ACTR8: variants seen among roughly 807,000 people sequenced by gnomAD.
The protein encoded by ACTR8 is actin related protein 8, also known as actin-related protein 8.
Under a neutral mutation model 84.3 loss-of-function variants are expected in ACTR8, and 70 were observed. The ratio of observed to expected loss-of-function variants is 0.83; its 90% CI spans 0.68 to 1.01. The LOEUF is 1.01. Ranked by LOEUF, ACTR8 falls within the 50% of genes least tolerant of loss-of-function variation. The pLI is 0.00. For missense variants in ACTR8, 672 were observed against 775.4 expected (o/e 0.87, Z 1.58); for synonymous variants, 268 against 275.2 (o/e 0.97, Z 0.26).
chr3:53,864,725 A>G, downstream of ACTR8: 1 of 1,555,806 alleles, frequency 6.4e-7, no homozygotes, highest in Non-Finnish European at 8.7e-7. Context: ...ACAGATAACA[A>G]ATGCTTTTCT....
chr3:53,861,934 T>A, the ACTR8 span, among the ~76,000 whole-genome samples: 3,388 of 152,302 alleles, frequency 0.022, 111 homozygotes, highest in East Asian at 0.14. Flanking sequence ...CTGGACTGCT[T>A]TGTACAAATG....
chr3:53,879,970 T>C lies in ACTR8; in HGVS notation c.263A>G (p.Lys88Arg), dbSNP rs1461193820. The change falls in exon 2 of 13, where the codon AAG (lysine) becomes AGG (arginine). Residue 88 changes from lysine (K) to arginine (R), a missense_variant. Lys to Arg is a conservative substitution (Grantham distance 26). Transcript: ENST00000335754. ...RHKQQGQPLY[K>R]DSWLLREGLN... The stretch of plus-strand genomic sequence containing the variant: ...TCCCTCCCTTAGGAGCCAACTGTCC[T>C]TGTATAGGGGCTGCCCTTGTTGTTT... The C allele has an allele frequency of 1.2e-6, 2 of 1,613,860 alleles. No individual in the cohort carries two copies. The highest frequency in any genetic ancestry group is 1.7e-6 in the Non-Finnish European group (2 of 1,179,794).
downstream of ACTR8, among the ~76,000 whole-genome samples, chr3:53,862,692 C>T (rs1349835086): frequency 6.6e-6 from 1 of 152,178 alleles, no homozygotes; most frequent in Non-Finnish European, 1.5e-5. Context: ...GAAGCAGCAG[C>T]ATCAGAAAAC....
At chr3:53,874,119 C>G (rs1409054264) in intron 8 of ACTR8, 92 bp downstream of exon 8, 1 of 1,402,204 alleles carries the variant, frequency 7.1e-7, no homozygotes, top group Admixed American at 2.3e-5. Flanking sequence ...CCACCGTGCC[C>G]AGCCAATGCT....
Position 53,871,257 on chromosome 3 carries a change from G to A in ACTR8, c.1542C>T (p.Ala514=). The A allele has an allele frequency of 2.5e-6, 4 of 1,614,168 alleles. No homozygotes were observed. Among genetic ancestry groups the A allele is most frequent in the Admixed American group, 1.7e-5 (1 of 60,036 alleles). The part of the protein sequence containing the change: ...FEGKALGLDK[A]ILHSIDCCSS... The stretch of plus-strand genomic sequence containing the variant: ...AACAGCAGTCTATGCTATGGAGGAT[G>A]GCTTTATCCAGGCCCAGGGCTTTTC... Residue 514 remains alanine, a synonymous_variant, in exon 11 of 13, where the codon GCC becomes GCT. Coordinates refer to ENST00000335754, the MANE Select transcript of ACTR8 (RefSeq NM_022899.5).
chr3:53,877,169 C>G, intron 5 of ACTR8, 45 bp downstream of exon 5: 1 of 1,524,368 alleles, frequency 6.6e-7, no homozygotes, highest in Non-Finnish European at 8.8e-7. Context: ...TTTCATTGAC[C>G]AAGAATCTTA....
chr3:53,877,739 T>C lies in ACTR8; in HGVS notation c.418A>G (p.Asn140Asp), dbSNP rs1461655284. ...PVSPEQARSY[N>D]KQMRPAILDH... ...AAAATTGCAGGTCGCATCTGCTTAT[T>C]GTAGGAGCGTGCCTGAAAAGAAAAA... Residue 140 changes from asparagine (N) to aspartate (D), a missense_variant, in exon 4 of 13, where the codon AAT becomes GAT. By Grantham distance (23) the Asn-to-Asp change is conservative. Transcript: ENST00000335754. 6 of 1,614,080 alleles carry C rather than the reference T, an allele frequency of 3.7e-6. No homozygotes were observed. Among genetic ancestry groups the C allele is most frequent in the Non-Finnish European group, 5.1e-6 (6 of 1,179,938 alleles).
In ACTR8 at chr3:53,875,882, T is replaced by C. The variant is rs1473194744; in HGVS notation, c.911+66A>G. 8 of 1,572,770 alleles carry C rather than the reference T, an allele frequency of 5.1e-6. No individual in the cohort carries two copies. In the African/African-American group the frequency reaches 1.1e-4, roughly 21 times the overall value. On this transcript the variant is annotated intron_variant, in intron 7 of 12. Coordinates refer to ENST00000335754, the MANE Select transcript of ACTR8 (RefSeq NM_022899.5). ...ATAATTTTTAACCTGTGATTTCTTA[T>C]TATTTACGGTTGAACAGATTATGAG...
At chr3:53,866,536 C>T (rs1275164348), downstream of ACTR8, among the ~76,000 whole-genome samples, 1 of 151,648 alleles carries the variant, frequency 6.6e-6, no homozygotes, top group Non-Finnish European at 1.5e-5. Context: ...GGCTGGAGTG[C>T]AGTGGCGTGA....
chr3:53,876,311 G>A (rs1336902321), intron 6 of ACTR8, among the ~76,000 whole-genome samples: 2 of 152,112 alleles, frequency 1.3e-5, no homozygotes, highest in African/African-American at 2.4e-5. Flanking sequence ...GAGGTCAGGA[G>A]ATGGAGACGA....
Position 53,877,407 on chromosome 3 carries a change from A to C in ACTR8, c.511-20T>G, listed in dbSNP as rs1392799948. ...CAAGGCCTAGAAAAGGAGGAGGGAG[A>C]TGAGTACTTTGTTAAAACTTTTCTC... On this transcript the variant is annotated intron_variant, in intron 4 of 12. Transcript: ENST00000335754. 1.3e-6 allele frequency: 2 copies of C among 1,571,992 alleles called. No homozygotes were observed. Among genetic ancestry groups the C allele is most frequent in the East Asian group, 2.3e-5 (1 of 44,414 alleles).
At chr3:53,869,461 A>G (rs562078767) in intron 12 of ACTR8, among the ~76,000 whole-genome samples, 1 of 152,396 alleles carries the variant, frequency 6.6e-6, no homozygotes, top group South Asian at 2.1e-4. Flanking sequence ...TTTGAGTGGA[A>G]TAAATAGATC....
In ACTR8 at chr3:53,870,316, G is replaced by T; in HGVS notation, c.1568-171C>A. 1.4e-6 allele frequency: 1 copy of T among 702,372 alleles called. No homozygotes were observed. The allele number at this position is 702,372 out of a possible 1,614,324, so 43.5% of individuals were successfully genotyped here. A position where few individuals can be genotyped will look rare whatever the true frequency, so the allele number is the denominator to read the frequency against. ...CCCTACGAAACACAAATGTAGGCAT[G>T]TTGCCACGCCACCGCAATCCTACTT... On this transcript the variant is annotated intron_variant, in intron 11 of 12. Coordinates refer to ENST00000335754, the MANE Select transcript of ACTR8 (RefSeq NM_022899.5). This position sits in a 1 kb window ranked among gnomAD's most constrained non-coding sequence, Gnocchi z 4.1.
In ACTR8 at chr3:53,871,419, A is replaced by G; in HGVS notation, c.1380T>C (p.Ser460=). ...GGGAATGGAGTCTTTCTGGAAGATCAGAGGACTGGCCACGAAGATCCCCTT... is the reference window on the plus strand; with the variant it reads ...GGGAATGGAGTCTTTCTGGAAGATCGGAGGACTGGCCACGAAGATCCCCTT... The part of the protein sequence containing the change: ...GFEGDLRGQS[S]DLPERLHSQE... The change falls in exon 11 of 13, where the codon TCT becomes TCC. Residue 460 remains serine (S), a synonymous_variant. Transcript: ENST00000335754. 2 of 1,614,238 alleles carry G rather than the reference A, an allele frequency of 1.2e-6. No individual in the cohort carries two copies. The highest frequency in any genetic ancestry group is 2.7e-5 in the African/African-American group (2 of 75,080).
At chr3:53,861,357 T>C in the ACTR8 span, 2 of 151,764 alleles carry the variant, frequency 1.3e-5, no homozygotes, top group African/African-American at 4.8e-5. Context: ...AAATTGAGGG[T>C]CTGCAGCTGT....
chr3:53,873,864 G>A (rs891208913), intron 8 of ACTR8, among the ~76,000 whole-genome samples: 6 of 151,956 alleles, frequency 3.9e-5, no homozygotes, highest in East Asian at 3.9e-4. Context: ...TCGCTTTGTC[G>A]CCGAGGCTGG....
At chr3:53,874,871 A>C (rs756751654) in intron 7 of ACTR8, among the ~76,000 whole-genome samples, 8 of 152,234 alleles carry the variant, frequency 5.3e-5, no homozygotes, top group African/African-American at 7.2e-5. Context: ...CCAGTGGGGA[A>C]CACCTACAGT....
At position 53,871,221 on chromosome 3, in the gene ACTR8, G is replaced by T; in HGVS notation, c.1567+11C>A. 1 of 1,608,186 alleles carries T rather than the reference G, an allele frequency of 6.2e-7. No individual in the cohort carries two copies. ...TCACTGCTATCTCCCGGTCTCCCCA[G>T]ATGTGCTTACAACAGCAGTCTATGC... is the stretch of plus-strand genomic sequence containing the variant. On this transcript the variant is annotated intron_variant, in intron 11 of 12. Transcript: ENST00000335754.
chr3:53,880,910 C>T (rs189710095), intron 1 of ACTR8, among the ~76,000 whole-genome samples: 1 of 152,344 alleles, frequency 6.6e-6, no homozygotes, highest in East Asian at 1.9e-4. Flanking sequence ...GCTTGAGTGC[C>T]CAATACTGCC....
Sources: allele counts gnomAD v4.1 joint callset (sites outside exome capture counted in the v4.1 genomes callset), GRCh38; gene constraint gnomAD v4.1.1; non-coding constraint Gnocchi (gnomAD v3.1); transcripts MANE v1.5; gene names NCBI Gene and HGNC (gene_info 2026-07-23, HGNC 2026-07-21).